CCDC88A: variants seen among roughly 807,000 people sequenced by gnomAD.
The protein encoded by CCDC88A is coiled-coil and HOOK domain protein 88A.
CCDC88A carries 54 observed loss-of-function variants against 234.3 expected under a neutral mutation model. That is an observed-to-expected ratio of 0.23 (90% CI 0.19 to 0.29). The LOEUF is 0.29. Among genes scored for constraint, CCDC88A ranks in the 10% least tolerant of loss-of-function variants. The pLI, the probability that CCDC88A is intolerant of heterozygous loss-of-function variation, is 1.00. For missense variants in CCDC88A, 1,832 were observed against 2,123.4 expected (o/e 0.86, Z 2.70); for synonymous variants, 753 against 737.8 (o/e 1.02, Z -0.33).
At chr2:55,303,485 G>A (rs1681147337) in intron 25 of CCDC88A, among the ~76,000 whole-genome samples, 2 of 150,902 alleles carry the variant, frequency 1.3e-5, no homozygotes, top group Admixed American at 6.6e-5. Flanking sequence ...CTCCGCCTGC[G>A]ATTCTCCTGC....
intron 7 of CCDC88A, among the ~76,000 whole-genome samples, chr2:55,360,219 A>C (rs950042454): frequency 1.3e-5 from 2 of 152,236 alleles, no homozygotes; most frequent in Admixed American, 6.5e-5. Context: ...AATACGAAAG[A>C]GAAATGTTAA....
At chr2:55,415,426 A>T (rs1681203837) in intron 2 of CCDC88A, among the ~76,000 whole-genome samples, 1 of 152,254 alleles carries the variant, frequency 6.6e-6, no homozygotes, top group Admixed American at 6.5e-5. Context: ...TTTTCAAGAC[A>T]TTGGACATCA....
chr2:55,416,268 A>G (rs1456465670), intron 2 of CCDC88A, among the ~76,000 whole-genome samples: 3 of 151,294 alleles, frequency 2.0e-5, no homozygotes, highest in African/African-American at 7.3e-5. Flanking sequence ...TAAACATTAT[A>G]GAAGAAAAAA....
intron 7 of CCDC88A, 28 bp from the exon 8 acceptor site, chr2:55,355,779 G>A: frequency 6.3e-7 from 1 of 1,576,098 alleles, no homozygotes; most frequent in Non-Finnish European, 8.7e-7. Flanking sequence ...ATCACTTTCA[G>A]TATTCTACAT....
intron 2 of CCDC88A, among the ~76,000 whole-genome samples, chr2:55,398,137 G>A (rs1677939803): frequency 6.6e-6 from 1 of 152,164 alleles, no homozygotes; most frequent in Non-Finnish European, 1.5e-5. Flanking sequence ...ACAAAACTGT[G>A]CTGCTTTGTG....
At chr2:55,353,910 T>C (rs1440556235) in intron 8 of CCDC88A, among the ~76,000 whole-genome samples, 2 of 152,182 alleles carry the variant, frequency 1.3e-5, no homozygotes, top group Admixed American at 1.3e-4. Context: ...GGCGATTTCA[T>C]CACTGGGCAA....
intron 29 of CCDC88A, among the ~76,000 whole-genome samples, chr2:55,298,892 A>C (rs13027192): frequency 5.4e-5 from 7 of 130,150 alleles, no homozygotes; most frequent in East Asian, 2.3e-4. Context: ...AAAAAAAAAA[A>C]ACACAAAAAA....
chr2:55,400,143 C>G (rs1365718602), intron 2 of CCDC88A, among the ~76,000 whole-genome samples: 1 of 152,032 alleles, frequency 6.6e-6, no homozygotes, highest in Non-Finnish European at 1.5e-5. Context: ...AAATGCAAAA[C>G]AAAAATTAAT....
intron 18 of CCDC88A, among the ~76,000 whole-genome samples, chr2:55,321,724 T>C (rs1683656648): frequency 6.6e-6 from 1 of 152,176 alleles, no homozygotes; most frequent in Admixed American, 6.5e-5. Context: ...ATAGGAATTT[T>C]GTATAGCATG....
intron 3 of CCDC88A, among the ~76,000 whole-genome samples, chr2:55,380,291 G>A (rs540950248): frequency 1.8e-4 from 28 of 152,022 alleles, no homozygotes; most frequent in African/African-American, 6.7e-4. Flanking sequence ...TATTGGTGGA[G>A]GTGGAGATGA....
chr2:55,382,810 A>C (rs1476881929), intron 3 of CCDC88A, among the ~76,000 whole-genome samples: 1 of 152,194 alleles, frequency 6.6e-6, no homozygotes, highest in Non-Finnish European at 1.5e-5. Flanking sequence ...GTTACCACTT[A>C]TTTCTCTCAT....
rs570384337 is a variant in CCDC88A at position 55,382,343 on chromosome 2, C to T, written c.273+6435G>A. On this transcript the variant is annotated intron_variant, in intron 3 of 32. Transcript: ENST00000436346. ...TACTAGTGACATCATACCATACAAA[C>T]ATTTCCTAATAAATTTCCTAATTGT... Among the ~76,000 whole-genome samples, 8 of 152,328 alleles carry T rather than the reference C, an allele frequency of 5.3e-5. No homozygotes were observed. In the East Asian group the frequency reaches 1.5e-3, roughly 29 times the overall value.
At chr2:55,410,252 G>C (rs1029160769) in intron 2 of CCDC88A, among the ~76,000 whole-genome samples, 6 of 152,208 alleles carry the variant, frequency 3.9e-5, no homozygotes, top group South Asian at 2.1e-4. Flanking sequence ...TGCATGCAAG[G>C]TGTTCACAGC....
At chr2:55,355,925 G>T (rs1360672858) in intron 7 of CCDC88A, 174 bp from the exon 8 acceptor site, 1 of 489,032 alleles carries the variant, frequency 2.0e-6, no homozygotes, top group Admixed American at 3.7e-5. Context: ...AACAGTTCAT[G>T]CATGGGCTAC....
chr2:55,363,364 C>T (rs976832214), intron 6 of CCDC88A, among the ~76,000 whole-genome samples: 18 of 151,824 alleles, frequency 1.2e-4, no homozygotes, highest in Admixed American at 1.2e-3. Flanking sequence ...CATACTAATT[C>T]TAAAGTGTCT....
intron 8 of CCDC88A, 84 bp downstream of exon 8, chr2:55,355,495 A>C: frequency 8.7e-7 from 1 of 1,154,892 alleles, no homozygotes; most frequent in Non-Finnish European, 1.3e-6. Flanking sequence ...ACAAGCTAGC[A>C]ATATTTCCAT....
Position 55,345,950 on chromosome 2 carries a change from AAAG to A in CCDC88A, c.1041+222_1041+224del, listed in dbSNP as rs542326890. On this transcript the variant is annotated intron_variant, in intron 10 of 32. Transcript: ENST00000436346. ...ATATATGATGCTAAGAAAAGGAATA[AAAG>A]AAGAACCCCAGAGTTCAATAAAATT... 50 of 358,366 alleles carry A rather than the reference AAAG, an allele frequency of 1.4e-4. 1 individual carries two copies. In the South Asian group the frequency reaches 3.8e-3, roughly 27 times the overall value. The allele number at this position is 358,366 out of a possible 1,614,324, so 22.2% of individuals were successfully genotyped here. A position where few individuals can be genotyped will look rare whatever the true frequency, so the allele number is the denominator to read the frequency against.
chr2:55,347,605 CCT>C (rs1558714848), intron 9 of CCDC88A, among the ~76,000 whole-genome samples: 1 of 90,672 alleles, frequency 1.1e-5, no homozygotes, highest in African/African-American at 4.3e-5. Flanking sequence ...TATTCATCTA[CCT>C]TTTTTTTTTT....
intron 8 of CCDC88A, among the ~76,000 whole-genome samples, chr2:55,353,801 A>T (rs1404418176): frequency 3.9e-5 from 6 of 152,198 alleles, no homozygotes; most frequent in Non-Finnish European, 5.9e-5. Flanking sequence ...ACTTTTCTGT[A>T]ATGGTCTTAA....
Sources: allele counts gnomAD v4.1 joint callset (sites outside exome capture counted in the v4.1 genomes callset), GRCh38; gene constraint gnomAD v4.1.1; transcripts MANE v1.5; gene names NCBI Gene and HGNC (gene_info 2026-07-23, HGNC 2026-07-21).